KIF27: variants seen among roughly 807,000 people sequenced by gnomAD.
The protein encoded by KIF27 is kinesin-like protein KIF27.
In KIF27, 84 loss-of-function variants were observed where a neutral mutation model predicts 141.8. The observed-to-expected ratio is 0.59, with a 90% CI of 0.50 to 0.71. KIF27 has a LOEUF of 0.71. Among genes scored for constraint, KIF27 ranks in the 30% least tolerant of loss-of-function variants. KIF27 has a pLI of 0.00. For missense variants in KIF27, 1,306 were observed against 1,628.4 expected (o/e 0.80, Z 3.41); for synonymous variants, 471 against 569.5 (o/e 0.83, Z 2.46).
intron 10 of KIF27, among the ~76,000 whole-genome samples, chr9:83,881,372 T>G (rs535509096): frequency 2.2e-4 from 33 of 152,372 alleles, no homozygotes; most frequent in Middle Eastern, 3.4e-3. Context: ...TCATAAATTA[T>G]GCAGACCACA....
chr9:83,899,421 T>C (rs1953617830), intron 5 of KIF27, among the ~76,000 whole-genome samples: 1 of 152,234 alleles, frequency 6.6e-6, no homozygotes, highest in African/African-American at 2.4e-5. Context: ...ATATGATTTA[T>C]AAATTAATTT....
intron 16 of KIF27, 33 bp downstream of exon 16, chr9:83,850,066 C>A (rs769542462): frequency 6.3e-7 from 1 of 1,575,542 alleles, no homozygotes; most frequent in East Asian, 2.2e-5. Context: ...ACCTACACAT[C>A]AACCTTACAT....
intron 1 of KIF27, among the ~76,000 whole-genome samples, chr9:83,919,141 T>A (rs540416557): frequency 1.3e-5 from 2 of 152,120 alleles, no homozygotes; most frequent in African/African-American, 2.4e-5. Flanking sequence ...ACTGCTATAA[T>A]AAAAAAGACA....
At chr9:83,880,517 A>C in intron 10 of KIF27, 23 bp from the exon 11 acceptor site, 1 of 1,558,396 alleles carries the variant, frequency 6.4e-7, no homozygotes, top group South Asian at 1.2e-5. Flanking sequence ...GGAATATTTC[A>C]AAATGAAAAA....
chr9:83,842,960 A>T (rs1251799613), intron 16 of KIF27, among the ~76,000 whole-genome samples: 4 of 152,082 alleles, frequency 2.6e-5, no homozygotes, highest in South Asian at 2.1e-4. Context: ...TTTCATAAGA[A>T]TTTTTTTGCA....
At chr9:83,901,389 G>GA (rs1291274214) in intron 4 of KIF27, among the ~76,000 whole-genome samples, 2 of 152,128 alleles carry the variant, frequency 1.3e-5, no homozygotes, top group South Asian at 2.1e-4. Flanking sequence ...ACAATTATCT[G>GA]AAAAAATCAG....
chr9:83,870,226 G>T (rs1040877623), intron 12 of KIF27, among the ~76,000 whole-genome samples: 3 of 152,026 alleles, frequency 2.0e-5, no homozygotes, highest in Non-Finnish European at 4.4e-5. Context: ...GAGTGCAGTG[G>T]CATGGTCTCG....
At chr9:83,870,728 G>C (rs1240843164) in intron 11 of KIF27, 96 bp from the exon 12 acceptor site, 12 of 985,700 alleles carry the variant, frequency 1.2e-5, no homozygotes, top group Non-Finnish European at 1.6e-5. Flanking sequence ...TTTTTTTTTT[G>C]GAGACAAGCT....
chr9:83,894,535 TG>T (rs1952987947), intron 5 of KIF27, among the ~76,000 whole-genome samples: 1 of 152,214 alleles, frequency 6.6e-6, no homozygotes, highest in African/African-American at 2.4e-5. Context: ...CTGCTTTCCT[TG>T]TAGTCTGGGA....
chr9:83,863,107 C>G (rs1950076431), intron 13 of KIF27, among the ~76,000 whole-genome samples: 1 of 152,182 alleles, frequency 6.6e-6, no homozygotes, highest in Non-Finnish European at 1.5e-5. Flanking sequence ...GATATACAAT[C>G]ATGTCATTTG....
At chr9:83,862,573 T>G (rs1017784277) in intron 13 of KIF27, among the ~76,000 whole-genome samples, 6 of 152,248 alleles carry the variant, frequency 3.9e-5, no homozygotes, top group African/African-American at 1.4e-4. Flanking sequence ...TTTTGGTTAC[T>G]GTAGCCTTGT....
chr9:83,842,688 G>A (rs1946728231), intron 16 of KIF27, among the ~76,000 whole-genome samples: 1 of 152,022 alleles, frequency 6.6e-6, no homozygotes, highest in African/African-American at 2.4e-5. Flanking sequence ...GGATGGTCTC[G>A]ATCTCCTGAC....
chr9:83,908,721 T>C (rs1387170160), intron 2 of KIF27, 69 bp from the exon 3 acceptor site: 3 of 918,152 alleles, frequency 3.3e-6, no homozygotes, highest in Middle Eastern at 2.3e-4. Context: ...CCCAAATTTA[T>C]AGTTAATTTA....
chr9:83,903,940 C>T lies in KIF27; in HGVS notation c.578G>A (p.Arg193Lys). ...ATTCATTTGAGTGGTACCTGTATGT[C>T]TGGCTGCATTCCCCATCTCCAAAAG... The part of the protein sequence containing the change: ...MSLLEMGNAA[R>K]HTGTTQMNEH... The change falls in exon 4 of 18, where the codon AGA becomes AAA. Residue 193 changes from arginine (R) to lysine (K), a missense_variant. By Grantham distance (26) the Arg-to-Lys change is conservative. Around this residue, in one of 4 missense-constraint regions of KIF27, gnomAD observed 533 missense variants for 565.6 expected, o/e 0.94. Coordinates refer to ENST00000297814, the MANE Select transcript of KIF27 (RefSeq NM_017576.4). 1 of 1,614,146 alleles carries T rather than the reference C, an allele frequency of 6.2e-7. No homozygotes were observed.
intron 2 of KIF27, among the ~76,000 whole-genome samples, chr9:83,911,285 C>T (rs111720451): frequency 0.12 from 18,992 of 152,112 alleles, 1,271 homozygotes; most frequent in Non-Finnish European, 0.14. Context: ...CCCAGGAGTG[C>T]AGTGGTGCCA....
Position 83,915,661 on chromosome 9 carries a change from T to C in KIF27, c.-70A>G. ...TATCTAGTGTGAGAGACTTCCATCT[T>C]ATGTAAGATCTGGATTCCTGTGCAA... On this transcript the variant is annotated 5_prime_UTR_variant, in exon 2 of 18. The change creates a new upstream start codon in the 5' untranslated region. Transcript: ENST00000297814. The C allele has an allele frequency of 2.2e-6, 3 of 1,361,034 alleles. No homozygotes were observed. Among genetic ancestry groups the C allele is most frequent in the South Asian group, 1.5e-5 (1 of 68,242 alleles). 84.3% of individuals were successfully genotyped at this position (1,361,034 alleles called of 1,614,324 possible). A position where few individuals can be genotyped will look rare whatever the true frequency, so the allele number is the denominator to read the frequency against.
chr9:83,916,467 T>C (rs1317350244), intron 1 of KIF27, among the ~76,000 whole-genome samples: 2 of 152,210 alleles, frequency 1.3e-5, no homozygotes, highest in Non-Finnish European at 2.9e-5. Context: ...TCAACATAAA[T>C]TTAAAACTAA....
intron 5 of KIF27, among the ~76,000 whole-genome samples, chr9:83,895,004 G>C (rs146689719): frequency 6.6e-6 from 1 of 152,026 alleles, no homozygotes; most frequent in Non-Finnish European, 1.5e-5. Flanking sequence ...CCAGCACTTT[G>C]GGAGGCTGAG....
chr9:83,839,518 G>C (rs538161633), intron 17 of KIF27, among the ~76,000 whole-genome samples: 1 of 152,318 alleles, frequency 6.6e-6, no homozygotes, highest in South Asian at 2.1e-4. Context: ...TTATCCTCAT[G>C]TTAGAAAACA....
Sources: gnomAD v4.1 joint callset for allele counts (sites outside exome capture counted in the v4.1 genomes callset) on GRCh38, gnomAD v4.1.1 for gene constraint, gnomAD v4.1.1 regional missense constraint, MANE v1.5 for transcripts, NCBI Gene and HGNC (gene_info 2026-07-23, HGNC 2026-07-21) for gene names.